CDK14: variants seen among roughly 807,000 people sequenced by gnomAD.
CDK14 encodes cyclin-dependent kinase 14.
A neutral mutation model predicts 60.7 loss-of-function variants in CDK14; 34 were observed. The ratio of observed to expected loss-of-function variants is 0.56; its 90% CI spans 0.43 to 0.75. The LOEUF is 0.75. Ranked by LOEUF, CDK14 falls within the 30% of genes least tolerant of loss-of-function variation. The pLI, the probability that CDK14 is intolerant of heterozygous loss-of-function variation, is 0.00. For synonymous variants in CDK14, 197 were observed against 203.7 expected (o/e 0.97, Z 0.28); for missense variants, 482 against 564.1 (o/e 0.85, Z 1.47).
At chr7:90,607,636 C>T (rs1026333179) in intron 2 of CDK14, among the ~76,000 whole-genome samples, 5 of 152,180 alleles carry the variant, frequency 3.3e-5, no homozygotes, top group Admixed American at 6.5e-5. Flanking sequence ...TGTGAGCACA[C>T]GTGTGTGTTT....
At chr7:90,686,994 C>T (rs971234484) in intron 2 of CDK14, among the ~76,000 whole-genome samples, 8 of 151,988 alleles carry the variant, frequency 5.3e-5, no homozygotes, top group African/African-American at 1.9e-4. Context: ...GACTTAAAAA[C>T]TCATTCATGT....
At chr7:90,754,244 A>G (rs758676470) in intron 4 of CDK14, among the ~76,000 whole-genome samples, 1 of 152,366 alleles carries the variant, frequency 6.6e-6, no homozygotes, top group Non-Finnish European at 1.5e-5. Flanking sequence ...ATAAGGCTAC[A>G]GTAACTGAAA....
chr7:91,118,466 C>T (rs1164455165), intron 14 of CDK14, among the ~76,000 whole-genome samples: 1 of 152,156 alleles, frequency 6.6e-6, no homozygotes, highest in East Asian at 1.9e-4. Flanking sequence ...ATAAGCAAGT[C>T]ATCTTAACTA....
chr7:90,976,805 C>T (rs1423992349), intron 9 of CDK14, among the ~76,000 whole-genome samples: 1 of 152,054 alleles, frequency 6.6e-6, no homozygotes, highest in Non-Finnish European at 1.5e-5. Flanking sequence ...TTCTTTCACT[C>T]TGTTGATTGT....
chr7:91,011,882 CAA>C (rs200939727), intron 10 of CDK14, among the ~76,000 whole-genome samples: 6,018 of 152,156 alleles, frequency 0.04, 378 homozygotes, highest in African/African-American at 0.14. Context: ...TTCTTTTCTA[CAA>C]AGTCTGTCAT....
chr7:90,829,732 C>T (rs1369957048), intron 5 of CDK14, among the ~76,000 whole-genome samples: 1 of 152,152 alleles, frequency 6.6e-6, no homozygotes, highest in Admixed American at 6.5e-5. Flanking sequence ...AGGGTTTCAC[C>T]ATGTTGGTCA....
chr7:90,623,522 G>C (rs1266626465), intron 2 of CDK14, among the ~76,000 whole-genome samples: 1 of 152,136 alleles, frequency 6.6e-6, no homozygotes, highest in Non-Finnish European at 1.5e-5. Flanking sequence ...AACCTGAAGT[G>C]TTCTGAATAT....
chr7:91,054,844 A>G (rs1029612985), intron 11 of CDK14, among the ~76,000 whole-genome samples: 3 of 152,192 alleles, frequency 2.0e-5, no homozygotes, highest in Admixed American at 6.5e-5. Flanking sequence ...GCAAGAAACA[A>G]TTCAGGGGGG....
At chr7:91,043,895 C>T (rs35487210) in intron 10 of CDK14, among the ~76,000 whole-genome samples, 7,640 of 152,290 alleles carry the variant, frequency 0.05, 283 homozygotes, top group Non-Finnish European at 0.076. Flanking sequence ...ATATGTGCCA[C>T]TCTGACATCA....
chr7:90,706,864 G>A (rs1437334620), intron 2 of CDK14, among the ~76,000 whole-genome samples: 1 of 152,156 alleles, frequency 6.6e-6, no homozygotes, highest in Non-Finnish European at 1.5e-5. Context: ...GTCTCAGTCA[G>A]TGACTGATCA....
intron 2 of CDK14, among the ~76,000 whole-genome samples, chr7:90,679,056 C>T (rs1429658611): frequency 1.3e-5 from 2 of 152,098 alleles, no homozygotes; most frequent in Admixed American, 1.3e-4. Context: ...CTCAAGCAAT[C>T]CTCCCACCTC....
intron 14 of CDK14, among the ~76,000 whole-genome samples, chr7:91,188,636 A>G (rs1346456841): frequency 2.0e-5 from 3 of 152,244 alleles, no homozygotes; most frequent in African/African-American, 4.8e-5. Flanking sequence ...CAGAATCTCT[A>G]AAGTTTTAAA....
chr7:90,984,274 T>C (rs112461646), intron 10 of CDK14, 33 bp downstream of exon 10: 3 of 1,448,440 alleles, frequency 2.1e-6, no homozygotes, highest in East Asian at 2.3e-5. Context: ...CTAAGAAAAA[T>C]TGGTTTCTAA....
chr7:91,085,299 G>A (rs1006760529), intron 12 of CDK14, among the ~76,000 whole-genome samples: 1 of 152,044 alleles, frequency 6.6e-6, no homozygotes, highest in South Asian at 2.1e-4. Context: ...CAGTTCCTTG[G>A]GGGGTATGGC....
intron 2 of CDK14, among the ~76,000 whole-genome samples, chr7:90,640,306 A>T (rs1158310797): frequency 6.6e-6 from 1 of 152,156 alleles, no homozygotes; most frequent in South Asian, 2.1e-4. Flanking sequence ...CACAGTAAAC[A>T]CGCTTTTTGT....
At chr7:90,926,625 T>C (rs1023558855) in intron 8 of CDK14, among the ~76,000 whole-genome samples, 1 of 152,202 alleles carries the variant, frequency 6.6e-6, no homozygotes, top group African/African-American at 2.4e-5. Context: ...TTTTTACTCA[T>C]AACACTTTCA....
intron 11 of CDK14, among the ~76,000 whole-genome samples, chr7:91,072,517 A>G (rs897448834): frequency 2.0e-5 from 3 of 152,134 alleles, no homozygotes; most frequent in Non-Finnish European, 4.4e-5. Context: ...AACCTCCTCC[A>G]AGGGTCAGCA....
At chr7:90,708,871 T>C (rs1801962814) in intron 2 of CDK14, among the ~76,000 whole-genome samples, 1 of 152,184 alleles carries the variant, frequency 6.6e-6, no homozygotes, top group African/African-American at 2.4e-5. Flanking sequence ...ATTTATGTCC[T>C]TTTGTGATTC....
chr7:91,112,126 A>G (rs566442041), intron 12 of CDK14, among the ~76,000 whole-genome samples: 2 of 152,308 alleles, frequency 1.3e-5, no homozygotes, highest in Admixed American at 1.3e-4. Context: ...GTAACTGGAG[A>G]ATTTAATAGC....
Sources: gnomAD v4.1 joint callset for allele counts (sites outside exome capture counted in the v4.1 genomes callset) on GRCh38, gnomAD v4.1.1 for gene constraint, MANE v1.5 for transcripts, NCBI Gene and HGNC (gene_info 2026-07-23, HGNC 2026-07-21) for gene names.